The following ERBB4 variants were observed in gnomAD, a reference collection of about 807,000 sequenced individuals.
The protein encoded by ERBB4 is erb-b2 receptor tyrosine kinase 4, also known as receptor tyrosine-protein kinase erbB-4.
In ERBB4, 42 loss-of-function variants were observed where a neutral mutation model predicts 158.0. The observed-to-expected ratio is 0.27, with a 90% CI of 0.21 to 0.34. The LOEUF (loss-of-function observed/expected upper bound fraction) is 0.34. Among genes scored for constraint, ERBB4 ranks in the 10% least tolerant of loss-of-function variants. ERBB4 has a pLI of 1.00. For synonymous variants in ERBB4, 583 were observed against 558.7 expected (o/e 1.04, Z -0.61); for missense variants, 1,333 against 1,624.1 (o/e 0.82, Z 3.08).
intron 2 of ERBB4, among the ~76,000 whole-genome samples, chr2:212,096,072 G>T (rs1310930578): frequency 6.6e-6 from 1 of 151,808 alleles, no homozygotes. Flanking sequence ...GCTAAGGGAA[G>T]GAAAAGAGAA....
chr2:212,174,794 C>G (rs2081611632), intron 1 of ERBB4, among the ~76,000 whole-genome samples: 1 of 151,936 alleles, frequency 6.6e-6, no homozygotes, highest in Admixed American at 6.6e-5. Flanking sequence ...TAAACAGGAC[C>G]TCAATTCCCA....
chr2:211,790,285 T>C (rs889940429), intron 3 of ERBB4, among the ~76,000 whole-genome samples: 7 of 151,960 alleles, frequency 4.6e-5, no homozygotes, highest in African/African-American at 1.7e-4. Context: ...GAAATAAAGG[T>C]TATTTTTCAG....
chr2:211,885,459 T>G (rs1477349883), intron 3 of ERBB4, among the ~76,000 whole-genome samples: 1 of 152,112 alleles, frequency 6.6e-6, no homozygotes, highest in African/African-American at 2.4e-5. Flanking sequence ...GCTATAATTT[T>G]TTTTTTTCTT....
chr2:211,645,264 CAG>C (rs2070744552), intron 16 of ERBB4, among the ~76,000 whole-genome samples: 1 of 151,554 alleles, frequency 6.6e-6, no homozygotes, highest in African/African-American at 2.4e-5. Context: ...AAAAGAGAGA[CAG>C]AGACAGAGAG....
Position 211,498,640 on chromosome 2 carries a change from A to T in ERBB4, c.2487+63263T>A, listed in dbSNP as rs77471593. Among the ~76,000 whole-genome samples the T allele has an allele frequency of 1.5e-4, 23 of 152,254 alleles. No individual in the cohort carries two copies. In the East Asian group the frequency reaches 4.2e-3, roughly 28 times the overall value. On this transcript the variant is annotated intron_variant, in intron 20 of 27. Transcript: ENST00000342788. ...CAATTGACTCCATAGTAAAAATTCC[A>T]AATTCTTCATCAAAGAGCTTTTCTC...
At chr2:212,145,987 G>C (rs2080657748) in intron 1 of ERBB4, among the ~76,000 whole-genome samples, 1 of 152,010 alleles carries the variant, frequency 6.6e-6, no homozygotes, top group Non-Finnish European at 1.5e-5. Flanking sequence ...GGGCCCAAAG[G>C]GGATAGTCTA....
chr2:211,794,190 A>G (rs1357942867), intron 3 of ERBB4, among the ~76,000 whole-genome samples: 1 of 151,948 alleles, frequency 6.6e-6, no homozygotes, highest in African/African-American at 2.4e-5. Flanking sequence ...ACTTATTAAT[A>G]CATACTTCAG....
chr2:211,590,492 G>C (rs1406944968), intron 19 of ERBB4, among the ~76,000 whole-genome samples: 1 of 152,036 alleles, frequency 6.6e-6, no homozygotes, highest in Admixed American at 6.6e-5. Flanking sequence ...GCACCACCCA[G>C]ATTAAGAAAC....
At chr2:211,487,477 A>C (rs1158993604) in intron 20 of ERBB4, among the ~76,000 whole-genome samples, 1 of 152,108 alleles carries the variant, frequency 6.6e-6, no homozygotes, top group Non-Finnish European at 1.5e-5. Context: ...CTATTAATAA[A>C]TATTTTGGCA....
intron 1 of ERBB4, among the ~76,000 whole-genome samples, chr2:212,498,386 C>A (rs1036556159): frequency 2.0e-5 from 3 of 152,058 alleles, no homozygotes; most frequent in African/African-American, 4.8e-5. Context: ...CTATTTAAAT[C>A]CTAAAATCTA....
At chr2:211,683,439 G>A (rs2072437996) in intron 12 of ERBB4, among the ~76,000 whole-genome samples, 1 of 152,098 alleles carries the variant, frequency 6.6e-6, no homozygotes, top group Admixed American at 6.5e-5. Flanking sequence ...TGTACAGTAT[G>A]TAATTTTTCA....
chr2:212,005,967 T>C (rs2076249760), intron 2 of ERBB4, among the ~76,000 whole-genome samples: 1 of 149,866 alleles, frequency 6.7e-6, no homozygotes, highest in Non-Finnish European at 1.5e-5. Context: ...CATATTAGGA[T>C]TGCAAAAATT....
chr2:211,391,541 G>C (rs2062799018), intron 25 of ERBB4, among the ~76,000 whole-genome samples: 1 of 152,020 alleles, frequency 6.6e-6, no homozygotes, highest in Admixed American at 6.6e-5. Flanking sequence ...CTGGTGGGGG[G>C]GTTTGTAAGG....
chr2:211,836,117 C>A (rs2077335637), intron 3 of ERBB4, among the ~76,000 whole-genome samples: 1 of 151,994 alleles, frequency 6.6e-6, no homozygotes, highest in Non-Finnish European at 1.5e-5. Context: ...ATCTTGCCTT[C>A]TTGATGGGGA....
At chr2:212,153,292 C>T (rs2080928584) in intron 1 of ERBB4, among the ~76,000 whole-genome samples, 1 of 152,150 alleles carries the variant, frequency 6.6e-6, no homozygotes, top group Non-Finnish European at 1.5e-5. Flanking sequence ...GCCAAAAGTC[C>T]TTCTGCCCAA....
intron 20 of ERBB4, among the ~76,000 whole-genome samples, chr2:211,438,930 T>G (rs191056271): frequency 1.6e-3 from 244 of 152,208 alleles, no homozygotes; most frequent in Admixed American, 3.5e-3. Flanking sequence ...ATAATAAAAA[T>G]TATTGTTTGC....
intron 25 of ERBB4, among the ~76,000 whole-genome samples, chr2:211,407,653 G>A (rs2063173275): frequency 6.6e-6 from 1 of 152,122 alleles, no homozygotes; most frequent in Non-Finnish European, 1.5e-5. Flanking sequence ...TCTCAATTCA[G>A]CTTTTGCTCA....
rs894852192 is a variant in ERBB4 at position 211,381,084 on chromosome 2, G to C, written c.*2531C>G. On this transcript the variant is annotated 3_prime_UTR_variant, in exon 28 of 28. Transcript: ENST00000342788. ...CCTTTTCCTAGAGACTTCTCTGAATGGATAGGAGAGCCCTGAGCTATTAGA... is the reference window on the plus strand; with the variant it reads ...CCTTTTCCTAGAGACTTCTCTGAATCGATAGGAGAGCCCTGAGCTATTAGA... The C allele has an allele frequency of 3.0e-5, 7 of 232,330 alleles. No homozygotes were observed. The highest frequency in any genetic ancestry group is 8.8e-5 in the African/African-American group (4 of 45,274). The allele number at this position is 232,330 out of a possible 1,614,324, so 14.4% of individuals were successfully genotyped here. A position where few individuals can be genotyped will look rare whatever the true frequency, so the allele number is the denominator to read the frequency against.
intron 20 of ERBB4, among the ~76,000 whole-genome samples, chr2:211,460,970 T>G (rs1476038396): frequency 1.3e-5 from 2 of 152,132 alleles, no homozygotes; most frequent in Non-Finnish European, 2.9e-5. Context: ...CTTTGTTATT[T>G]CTTTCATTTT....
Sources: gnomAD v4.1 joint callset for allele counts (sites outside exome capture counted in the v4.1 genomes callset) on GRCh38, gnomAD v4.1.1 for gene constraint, MANE v1.5 for transcripts, NCBI Gene and HGNC (gene_info 2026-07-23, HGNC 2026-07-21) for gene names.